DOT1L: variants seen among roughly 807,000 people sequenced by gnomAD.
The protein encoded by DOT1L is histone-lysine N-methyltransferase, H3 lysine-79 specific.
In DOT1L, 33 loss-of-function variants were observed where a neutral mutation model predicts 153.3. The ratio of observed to expected loss-of-function variants is 0.22; its 90% confidence interval spans 0.16 to 0.29. The LOEUF (loss-of-function observed/expected upper bound fraction) is 0.29. DOT1L is among the 10% of genes least tolerant of loss of function. The probability of loss-of-function intolerance (pLI) is 1.00; values close to 1 mark genes in which losing one functional copy is unlikely to be tolerated. For synonymous variants in DOT1L, 1,135 were observed against 965.1 expected, an observed-to-expected ratio of 1.18 and a Z score of -3.26; for missense variants, 1,847 against 2,119.9, an observed-to-expected ratio of 0.87 and a Z score of 2.53.
intron 12 of DOT1L, among the ~76,000 whole-genome samples, chr19:2,210,018 C>T (rs182991279): frequency 1.3e-5 from 2 of 152,262 alleles, no homozygotes; most frequent in East Asian, 1.9e-4. Context: ...CGGTGCCTTT[C>T]GAAGAGAGGA....
At chr19:2,194,634 C>T (rs911651950) in intron 7 of DOT1L, 57 bp downstream of exon 7, 39 of 1,466,504 alleles carry the variant, frequency 2.7e-5, no homozygotes, top group Non-Finnish European at 3.2e-5. Flanking sequence ...CGCTCCCACC[C>T]TCCTGTCAGC....
At chr19:2,206,919 G>A (rs1006902270) in intron 10 of DOT1L, 122 bp downstream of exon 10, 1 of 962,664 alleles carries the variant, frequency 1.0e-6, no homozygotes, top group Non-Finnish European at 1.6e-6. Flanking sequence ...CTGTGGGGTG[G>A]GGCTGTCCTG....
At chr19:2,184,549 C>T (rs1185478263) in intron 2 of DOT1L, among the ~76,000 whole-genome samples, 3 of 152,148 alleles carry the variant, frequency 2.0e-5, no homozygotes, top group African/African-American at 7.2e-5. Flanking sequence ...AGAGGCCGAA[C>T]CCCCATCCCT....
In DOT1L at chr19:2,208,028, C is replaced by T. The variant is rs544618725; in HGVS notation, c.963+348C>T. 3.3e-5 allele frequency among the ~76,000 whole-genome samples: 5 copies of T among 152,278 alleles called. No individual in the cohort carries two copies. The South Asian group carries it at 6.2e-4, about 19-fold the overall frequency. ...GAGGCCCCTGTGGATAGGAGTCCCA[C>T]GTCCCTGTTCCCAGCTTCCTCCATG... is the stretch of plus-strand genomic sequence containing the variant. On this transcript the variant is annotated intron_variant, in intron 11 of 27. Transcript: ENST00000398665. The surrounding 1 kb of genome is among the most constrained non-coding windows in gnomAD (Gnocchi z 4.4).
chr19:2,229,894 C>A lies in DOT1L; in HGVS notation c.*102C>A. 1.3e-5 allele frequency: 21 copies of A among 1,604,918 alleles called. No individual in the cohort carries two copies. The highest frequency in any genetic ancestry group is 1.5e-5 in the Non-Finnish European group (18 of 1,175,916). On this transcript the variant is annotated 3_prime_UTR_variant, in exon 28 of 28. Coordinates refer to ENST00000398665, the MANE Select transcript of DOT1L (RefSeq NM_032482.3). ...CTGCCGGGCTCCCACCCCTGGACGG[C>A]AGAGGCAAGGACGGACGGGAGCTCC... is the stretch of plus-strand genomic sequence containing the variant.
At chr19:2,172,976 C>CAA (rs35030730) in intron 1 of DOT1L, among the ~76,000 whole-genome samples, 8 of 124,328 alleles carry the variant, frequency 6.4e-5, no homozygotes, top group Admixed American at 8.3e-5. Context: ...GACTCCATCT[C>CAA]AAAAAAAAAA....
chr19:2,210,571 A>T (rs746425283), intron 13 of DOT1L, 50 bp from the exon 14 acceptor site: 271 of 1,596,222 alleles, frequency 1.7e-4, no homozygotes, highest in Admixed American at 8.2e-4. Flanking sequence ...GGGAGACCCC[A>T]TGGGTGGGAG....
intron 1 of DOT1L, among the ~76,000 whole-genome samples, chr19:2,172,436 G>A (rs1268488565): frequency 1.3e-5 from 2 of 151,524 alleles, no homozygotes; most frequent in Non-Finnish European, 2.9e-5. Context: ...TGATCCACCC[G>A]CCTTGGGCTC....
rs1298378302 is a variant in DOT1L, at chr19:2,220,592, G to A, written c.2806+370G>A. 4.4e-6 allele frequency: 2 copies of A among 458,314 alleles called. No individual in the cohort carries two copies. Among genetic ancestry groups the A allele is most frequent in the African/African-American group, 4.0e-5 (2 of 50,226 alleles). 28.4% of individuals were successfully genotyped at this position (458,314 alleles called of 1,614,324 possible). A position where few individuals can be genotyped will look rare whatever the true frequency, so the allele number is the denominator to read the frequency against. On this transcript the variant is annotated intron_variant, in intron 23 of 27. Transcript: ENST00000398665. The surrounding 1 kb of genome is among the most constrained non-coding windows in gnomAD (Gnocchi z 4.5). The stretch of plus-strand genomic sequence containing the variant: ...CAGTGCCCAATGGCACACGACCGTG[G>A]GCCTCCGTGCTGGTAGCGGCATGGT...
At position 2,226,262 on chromosome 19, in the gene DOT1L, C is replaced by T; in HGVS notation, c.3741C>T (p.Pro1247=). Residue 1247 remains proline (P), a synonymous_variant, in exon 27 of 28, where the codon CCC becomes CCT. Coordinates refer to ENST00000398665, the MANE Select transcript of DOT1L (RefSeq NM_032482.3). ...GCAAGTGGAAGTCCACCTTCTCGCCCATCTCCGACATCGGCCTGGCCAAGT... is the reference window on the plus strand; with the variant it reads ...GCAAGTGGAAGTCCACCTTCTCGCCTATCTCCGACATCGGCCTGGCCAAGT... The part of the protein sequence containing the change: ...NSSKWKSTFS[P]ISDIGLAKSA... 5 of 1,585,326 alleles carry T rather than the reference C, an allele frequency of 3.2e-6. No homozygotes were observed. The highest frequency in any genetic ancestry group is 2.3e-5 in the South Asian group (2 of 87,744).
chr19:2,214,759 G>C, intron 19 of DOT1L, 163 bp downstream of exon 19: 1 of 1,107,842 alleles, frequency 9.0e-7, no homozygotes, highest in Non-Finnish European at 1.2e-6. Context: ...TTGGGCCGCA[G>C]GCTGCCCGTG....
chr19:2,223,983 C>A (rs924098195), intron 25 of DOT1L, among the ~76,000 whole-genome samples: 1 of 152,140 alleles, frequency 6.6e-6, no homozygotes, highest in Non-Finnish European at 1.5e-5. Flanking sequence ...CTTCTCCTCC[C>A]AAGAGCCCCT....
chr19:2,204,175 G>T lies in DOT1L; in HGVS notation c.787+1396G>T, dbSNP rs1420016054. On this transcript the variant is annotated intron_variant, in intron 9 of 27. Coordinates refer to ENST00000398665, the MANE Select transcript of DOT1L (RefSeq NM_032482.3). This position sits in a 1 kb window ranked among gnomAD's most constrained non-coding sequence, Gnocchi z 5.7. ...CCCGTGTGCCTGTGTGTCTGTTAGC[G>T]TGTCTCTGTGTGCGTGCCTGTGCGT... Among the ~76,000 whole-genome samples, 2 of 151,732 alleles carry T rather than the reference G, an allele frequency of 1.3e-5. No homozygotes were observed. Among genetic ancestry groups the T allele is most frequent in the African/African-American group, 4.8e-5 (2 of 41,278 alleles).
In DOT1L at chr19:2,199,930, C is replaced by T; in HGVS notation, c.698C>T (p.Ala233Val). ...FLSEEWRERI[A>V]NTSVIFVNNF... ...TCAGAAGAGTGGAGGGAGCGAATCG[C>T]CAACACGAGGTATGGCCAGCGTGGG... The change falls in exon 8 of 28, where the codon GCC (alanine) becomes GTC (valine). Residue 233 changes from alanine (A) to valine (V), a missense_variant. Transcript: ENST00000398665. 1 of 1,613,950 alleles carries T rather than the reference C, an allele frequency of 6.2e-7. No homozygotes were observed. The highest frequency in any genetic ancestry group is 8.5e-7 in the Non-Finnish European group (1 of 1,179,878).
rs1555724192 is a variant in DOT1L at position 2,210,307 on chromosome 19, G to GCA, written c.1006-92_1006-91insAC. The GCA allele has an allele frequency of 7.1e-6, 8 of 1,133,530 alleles. No homozygotes were observed. In the African/African-American group the frequency reaches 1.3e-4, roughly 18 times the overall value. 70.2% of individuals were successfully genotyped at this position (1,133,530 alleles called of 1,614,324 possible). ...TGCAGTGGACAGAGTTGGGCCCGTGGCCCCCTTGAGTCTGAGCTCCGCGTG... is the reference window on the plus strand; with the variant it reads ...TGCAGTGGACAGAGTTGGGCCCGTGGCACCCCCTTGAGTCTGAGCTCCGCGTG... On this transcript the variant is annotated intron_variant, in intron 12 of 27. Coordinates refer to ENST00000398665, the MANE Select transcript of DOT1L (RefSeq NM_032482.3).
chr19:2,175,509 A>T (rs1169624369), intron 1 of DOT1L, among the ~76,000 whole-genome samples: 1 of 152,164 alleles, frequency 6.6e-6, no homozygotes, highest in Non-Finnish European at 1.5e-5. Context: ...GTATAACTGG[A>T]ATATTATCAT....
At chr19:2,189,672 C>T in intron 3 of DOT1L, 60 bp from the exon 4 acceptor site, 4 of 1,583,856 alleles carry the variant, frequency 2.5e-6, no homozygotes, top group Non-Finnish European at 3.4e-6. Flanking sequence ...ATGCTGTCCC[C>T]TCCCATGCAT....
chr19:2,187,734 AGC>A (rs2022583706), intron 3 of DOT1L, among the ~76,000 whole-genome samples: 1 of 152,148 alleles, frequency 6.6e-6, no homozygotes, highest in South Asian at 2.1e-4. Flanking sequence ...CATCCTCGCT[AGC>A]ACAGTGAAAC....
Position 2,227,034 on chromosome 19 carries a change from G to T in DOT1L, c.4513G>T (p.Ala1505Ser), listed in dbSNP as rs764534851. Reference protein sequence around the residue: ...QSLFSSVPAAAGLVHVSSAAT... With the variant: ...QSLFSSVPAASGLVHVSSAAT... ...GCTGTTCAGCTCTGTGCCGGCCGCCGCAGGCCTGGTGCACGTGTCGTCCGC... is the reference window on the plus strand; with the variant it reads ...GCTGTTCAGCTCTGTGCCGGCCGCCTCAGGCCTGGTGCACGTGTCGTCCGC... Residue 1505 changes from alanine (A) to serine (S), a missense_variant, in exon 27 of 28, where the codon GCA becomes TCA. Ala to Ser is a moderately conservative substitution (Grantham distance 99, BLOSUM62 1). Around this residue, in one of 8 missense-constraint regions of DOT1L, gnomAD observed 934 missense variants for 825.3 expected, o/e 1.13. Coordinates refer to ENST00000398665, the MANE Select transcript of DOT1L (RefSeq NM_032482.3). 6.3e-7 allele frequency: 1 copy of T among 1,581,760 alleles called. No homozygotes were observed. The highest frequency in any genetic ancestry group is 1.1e-5 in the South Asian group (1 of 88,928).
Sources: allele counts gnomAD v4.1 joint callset (sites outside exome capture counted in the v4.1 genomes callset), GRCh38; gene constraint gnomAD v4.1.1; regional missense constraint gnomAD v4.1.1; non-coding constraint Gnocchi (gnomAD v3.1); transcripts MANE v1.5; gene names NCBI Gene and HGNC (gene_info 2026-07-23, HGNC 2026-07-21).